Variants in PIK3CA observed in about 807,000 individuals in gnomAD.
PIK3CA encodes phosphatidylinositol 4,5-bisphosphate 3-kinase catalytic subunit alpha isoform.
A neutral mutation model predicts 138.2 loss-of-function variants in PIK3CA; 27 were observed. That is an observed-to-expected ratio of 0.20 (90% CI 0.14 to 0.27). The LOEUF is 0.27. PIK3CA is among the 10% of genes least tolerant of loss of function. The pLI is 1.00. For missense variants in PIK3CA, 544 were observed against 1,277.4 expected (o/e 0.43, Z 8.75); for synonymous variants, 358 against 413.2 (o/e 0.87, Z 1.62).
rs1389295096 is a variant in PIK3CA at position 179,237,111 on chromosome 3, A to G, written c.*2747A>G. On this transcript the variant is annotated 3_prime_UTR_variant, in exon 21 of 21. Coordinates refer to ENST00000263967, the MANE Select transcript of PIK3CA (RefSeq NM_006218.4). ...ATGACTGTTGGAAAATTATGCTTTC[A>G]CTTTCTACCATATTCTCAGCTATAC... The G allele has an allele frequency of 5.1e-6, 1 of 196,592 alleles. No individual in the cohort carries two copies. The highest frequency in any genetic ancestry group is 2.3e-5 in the African/African-American group (1 of 43,298). 12.2% of individuals were successfully genotyped at this position (196,592 alleles called of 1,614,324 possible). A position where few individuals can be genotyped will look rare whatever the true frequency, so the allele number is the denominator to read the frequency against.
chr3:179,199,558 G>T, intron 2 of PIK3CA, 132 bp from the exon 3 acceptor site: 1 of 571,946 alleles, frequency 1.7e-6, no homozygotes, highest in Middle Eastern at 4.7e-4. Context: ...TCAAAAATTT[G>T]TTTTAACCTA....
intron 20 of PIK3CA, among the ~76,000 whole-genome samples, chr3:179,232,343 C>T (rs547512238): frequency 4.7e-4 from 71 of 152,176 alleles, no homozygotes; most frequent in Non-Finnish European, 8.8e-4. Context: ...AGCTAGTTTT[C>T]CCACCACCAT....
Position 179,235,162 on chromosome 3 carries a change from T to C in PIK3CA, c.*798T>C, listed in dbSNP as rs1725308660. 2.7e-5 allele frequency: 5 copies of C among 187,452 alleles called. No homozygotes were observed. The East Asian group carries it at 4.2e-4, about 16-fold the overall frequency. 11.6% of individuals were successfully genotyped at this position (187,452 alleles called of 1,614,324 possible). A position where few individuals can be genotyped will look rare whatever the true frequency, so the allele number is the denominator to read the frequency against. ...ATCATAGAAAAAGAATGAGCAGGAA[T>C]AGTTCTTATTCCAGAATTGTACAGT... is the stretch of plus-strand genomic sequence containing the variant. On this transcript the variant is annotated 3_prime_UTR_variant, in exon 21 of 21. Coordinates refer to ENST00000263967, the MANE Select transcript of PIK3CA (RefSeq NM_006218.4).
intron 17 of PIK3CA, among the ~76,000 whole-genome samples, chr3:179,226,875 G>A (rs150080761): frequency 3.3e-5 from 5 of 152,174 alleles, no homozygotes; most frequent in South Asian, 2.1e-4. Context: ...CTCCTGATAC[G>A]TAGCTTAACC....
At chr3:179,194,084 A>G (rs769041474) in intron 1 of PIK3CA, among the ~76,000 whole-genome samples, 1 of 152,214 alleles carries the variant, frequency 6.6e-6, no homozygotes, top group Non-Finnish European at 1.5e-5. Context: ...ACAATTGAGA[A>G]TATGTAATTT....
At chr3:179,203,107 A>AT (rs1724460861) in intron 4 of PIK3CA, among the ~76,000 whole-genome samples, 2 of 151,216 alleles carry the variant, frequency 1.3e-5, no homozygotes, top group Admixed American at 6.6e-5. Flanking sequence ...CGCCCGGCTA[A>AT]TTTTTTGTAT....
At chr3:179,155,577 T>G (rs7627273) in intron 1 of PIK3CA, among the ~76,000 whole-genome samples, 37,213 of 152,040 alleles carry the variant, frequency 0.24, 5,604 homozygotes, top group African/African-American at 0.42. Context: ...GAACAACTAT[T>G]TACATAACAT....
intron 1 of PIK3CA, among the ~76,000 whole-genome samples, chr3:179,161,121 C>T (rs984834139): frequency 2.0e-5 from 3 of 152,128 alleles, no homozygotes; most frequent in Non-Finnish European, 4.4e-5. Flanking sequence ...GCTCAGGGTA[C>T]ACTTCTCATT....
intron 20 of PIK3CA, among the ~76,000 whole-genome samples, chr3:179,233,571 G>A (rs1576949582): frequency 1.3e-5 from 2 of 151,980 alleles, no homozygotes; most frequent in East Asian, 3.9e-4. Flanking sequence ...TTAAATAGTT[G>A]GACTCCACCT....
In PIK3CA at chr3:179,238,208, A is replaced by G. The variant is rs1484452128; in HGVS notation, c.*3844A>G. 1 of 221,450 alleles carries G rather than the reference A, an allele frequency of 4.5e-6. No homozygotes were observed. The highest frequency in any genetic ancestry group is 9.0e-6 in the Non-Finnish European group (1 of 110,606). The allele number at this position is 221,450 out of a possible 1,614,324, so 13.7% of individuals were successfully genotyped here. On this transcript the variant is annotated 3_prime_UTR_variant, in exon 21 of 21. Transcript: ENST00000263967. ...TAAGAGAATCAACTCTTCATCATGG[A>G]TGGGATTGTGAAGGCTGAACTATAA...
At chr3:179,194,518 C>G (rs1016122839) in intron 1 of PIK3CA, among the ~76,000 whole-genome samples, 1 of 152,094 alleles carries the variant, frequency 6.6e-6, no homozygotes, top group African/African-American at 2.4e-5. Flanking sequence ...AACCCCCAGC[C>G]CAGAGTCTCC....
At chr3:179,171,945 C>T (rs1014804782) in intron 1 of PIK3CA, among the ~76,000 whole-genome samples, 2 of 151,928 alleles carry the variant, frequency 1.3e-5, no homozygotes, top group African/African-American at 4.8e-5. Context: ...AGAAAACTAG[C>T]AGCCAGTATT....
At chr3:179,196,232 G>T (rs899605509) in intron 1 of PIK3CA, among the ~76,000 whole-genome samples, 1 of 152,194 alleles carries the variant, frequency 6.6e-6, no homozygotes, top group Non-Finnish European at 1.5e-5. Flanking sequence ...ATAGAGACCT[G>T]TCAGTGCCAT....
chr3:179,179,120 T>A (rs1314772973), intron 1 of PIK3CA, among the ~76,000 whole-genome samples: 2 of 152,232 alleles, frequency 1.3e-5, no homozygotes, highest in Non-Finnish European at 2.9e-5. Flanking sequence ...GCAAACAGGC[T>A]TTTTTAAGGA....
chr3:179,232,192 G>A (rs748955735), intron 20 of PIK3CA, among the ~76,000 whole-genome samples: 6 of 151,980 alleles, frequency 3.9e-5, no homozygotes, highest in Non-Finnish European at 7.4e-5. Context: ...GCCTAGGCCA[G>A]TGTTTAAAAG....
At chr3:179,213,864 T>C (rs1724778075) in intron 9 of PIK3CA, among the ~76,000 whole-genome samples, 1 of 152,258 alleles carries the variant, frequency 6.6e-6, no homozygotes, top group Non-Finnish European at 1.5e-5. Flanking sequence ...TCATCAGTTA[T>C]CTTGGCTAGA....
At chr3:179,157,649 C>G (rs770615688) in intron 1 of PIK3CA, among the ~76,000 whole-genome samples, 5 of 151,922 alleles carry the variant, frequency 3.3e-5, no homozygotes, top group Non-Finnish European at 5.9e-5. Flanking sequence ...TTTTACCAAT[C>G]AAAATTGAGG....
intron 1 of PIK3CA, among the ~76,000 whole-genome samples, chr3:179,162,232 C>T (rs1355576542): frequency 1.3e-5 from 2 of 152,010 alleles, no homozygotes; most frequent in Non-Finnish European, 2.9e-5. Flanking sequence ...AGAGAATACA[C>T]ATGCACAGAT....
intron 6 of PIK3CA, among the ~76,000 whole-genome samples, chr3:179,208,266 G>A (rs572249298): frequency 6.6e-6 from 1 of 152,166 alleles, no homozygotes; most frequent in East Asian, 1.9e-4. Context: ...AAATAGAATT[G>A]TTATACTATT....
Sources: allele counts gnomAD v4.1 joint callset (sites outside exome capture counted in the v4.1 genomes callset), GRCh38; gene constraint gnomAD v4.1.1; transcripts MANE v1.5; gene names NCBI Gene and HGNC (gene_info 2026-07-23, HGNC 2026-07-21).